RERE: variants seen among roughly 807,000 people sequenced by gnomAD.
RERE encodes the protein arginine-glutamic acid dipeptide repeats protein.
Under a neutral mutation model 146.1 loss-of-function variants are expected in RERE, and 40 were observed. The observed-to-expected ratio is 0.27, with a 90% CI of 0.21 to 0.36. The LOEUF (loss-of-function observed/expected upper bound fraction) is 0.36. Ranked by LOEUF, RERE falls within the 10% of genes least tolerant of loss-of-function variation. The probability of loss-of-function intolerance (pLI) is 1.00; values close to 1 mark genes in which losing one functional copy is unlikely to be tolerated. For synonymous variants in RERE, 1,003 were observed against 866.0 expected (o/e 1.16, Z -2.78); for missense variants, 1,933 against 2,138.7 (o/e 0.90, Z 1.90).
At chr1:8,454,855 C>CTCT in intron 11 of RERE, among the ~76,000 whole-genome samples, 1 of 151,920 alleles carries the variant, frequency 6.6e-6, no homozygotes, top group South Asian at 2.1e-4. Flanking sequence ...AAACTGAAGA[C>CTCT]TCAAGAAGGG....
intron 12 of RERE, among the ~76,000 whole-genome samples, chr1:8,418,256 T>A (rs1452345697): frequency 6.6e-6 from 1 of 152,180 alleles, no homozygotes; most frequent in Non-Finnish European, 1.5e-5. Context: ...TCCAGTGTAG[T>A]AAGTGTCAAT....
chr1:8,764,302 T>A (rs1640808888), intron 1 of RERE, among the ~76,000 whole-genome samples: 1 of 152,072 alleles, frequency 6.6e-6, no homozygotes. Context: ...CTCTATAGGA[T>A]CCCAGCCAGG....
chr1:8,771,067 AAGAC>A (rs1195546732), intron 1 of RERE, among the ~76,000 whole-genome samples: 5 of 152,224 alleles, frequency 3.3e-5, no homozygotes, highest in African/African-American at 1.2e-4. Flanking sequence ...TAATTAAAAA[AAGAC>A]AGAAAATAAC....
At chr1:8,787,830 C>CAAAAAAA (rs1254862943) in intron 1 of RERE, among the ~76,000 whole-genome samples, 2 of 117,950 alleles carry the variant, frequency 1.7e-5, no homozygotes, top group Non-Finnish European at 3.5e-5. Context: ...GACTCTGCCT[C>CAAAAAAA]AAAAAAAAAA....
intron 1 of RERE, among the ~76,000 whole-genome samples, chr1:8,771,972 A>G (rs559951706): frequency 3.8e-4 from 58 of 151,728 alleles, no homozygotes; most frequent in Non-Finnish European, 6.5e-4. Context: ...GAGACTTGTG[A>G]GAACTCTGCT....
At chr1:8,572,294 G>C (rs1470297196) in intron 4 of RERE, among the ~76,000 whole-genome samples, 1 of 152,130 alleles carries the variant, frequency 6.6e-6, no homozygotes, top group African/African-American at 2.4e-5. Context: ...TGATGAAAAG[G>C]CTTTGGGTGC....
intron 1 of RERE, among the ~76,000 whole-genome samples, chr1:8,805,106 G>A (rs1186325106): frequency 6.7e-6 from 1 of 148,880 alleles, no homozygotes; most frequent in Non-Finnish European, 1.5e-5. Flanking sequence ...GGCCTCCCAG[G>A]TTCAAGCGAT....
intron 4 of RERE, among the ~76,000 whole-genome samples, chr1:8,598,123 A>G (rs752693658): frequency 7.9e-5 from 12 of 152,240 alleles, no homozygotes; most frequent in Non-Finnish European, 1.5e-4. Context: ...TGTTCTCCAC[A>G]TTACTGTGAC....
At chr1:8,540,692 G>T (rs1479225680) in intron 7 of RERE, among the ~76,000 whole-genome samples, 1 of 152,118 alleles carries the variant, frequency 6.6e-6, no homozygotes, top group Admixed American at 6.5e-5. Flanking sequence ...CTGTTACATA[G>T]ATCTTACCAA....
At chr1:8,615,145 T>C (rs1002013694) in intron 3 of RERE, among the ~76,000 whole-genome samples, 3 of 152,152 alleles carry the variant, frequency 2.0e-5, no homozygotes, top group African/African-American at 2.4e-5. Flanking sequence ...AATAAGGAAA[T>C]AGGGCATTTG....
intron 1 of RERE, among the ~76,000 whole-genome samples, chr1:8,814,904 A>C (rs553334931): frequency 6.6e-6 from 1 of 152,324 alleles, no homozygotes; most frequent in East Asian, 1.9e-4. Context: ...AACCAGTAAC[A>C]TAATAATGCC....
chr1:8,405,662 C>A (rs375786947), intron 12 of RERE, among the ~76,000 whole-genome samples: 1 of 152,118 alleles, frequency 6.6e-6, no homozygotes, highest in African/African-American at 2.4e-5. Context: ...ATTTTCGAGA[C>A]GGAGTCTCAC....
chr1:8,686,048 C>A (rs1453064010), intron 1 of RERE, among the ~76,000 whole-genome samples: 1 of 151,396 alleles, frequency 6.6e-6, no homozygotes. Flanking sequence ...GTAGCACGAT[C>A]TCAGCTCACT....
At position 8,416,598 on chromosome 1, in the gene RERE, A is replaced by AAG. The variant is rs1553164002; in HGVS notation, c.1284+6128_1284+6129insCT. On this transcript the variant is annotated intron_variant, in intron 12 of 22. Transcript: ENST00000400908. The stretch of plus-strand genomic sequence containing the variant: ...GAGACTCCATCTCCAAAAAAAAAAA[A>AAG]AAAAGAAAAGAAAAGAAAAGAAAAG... Among the ~76,000 whole-genome samples the AAG allele has an allele frequency of 2.3e-4, 34 of 147,760 alleles. 1 individual carries two copies. The East Asian group carries it at 4.1e-3, about 18-fold the overall frequency.
In RERE at chr1:8,352,412, T is replaced by G. The variant is rs956289155; in HGVS notation, c.*2675A>C. On this transcript the variant is annotated 3_prime_UTR_variant, in exon 23 of 23. Coordinates refer to ENST00000400908, the MANE Select transcript of RERE (RefSeq NM_001042681.2). ...CGGGAGACACCCAAGGGTTGTAGTGTAGCTTGGTTTTATTTATGTCCACAA... is the reference window on the plus strand; with the variant it reads ...CGGGAGACACCCAAGGGTTGTAGTGGAGCTTGGTTTTATTTATGTCCACAA... 6.6e-6 allele frequency: 1 copy of G among 152,440 alleles called. No homozygotes were observed. The highest frequency in any genetic ancestry group is 1.5e-5 in the Non-Finnish European group (1 of 68,034). The allele number at this position is 152,440 out of a possible 1,614,324, so 9.4% of individuals were successfully genotyped here. A position where few individuals can be genotyped will look rare whatever the true frequency, so the allele number is the denominator to read the frequency against.
At chr1:8,557,959 T>C (rs1303239610) in intron 4 of RERE, among the ~76,000 whole-genome samples, 1 of 152,184 alleles carries the variant, frequency 6.6e-6, no homozygotes, top group Non-Finnish European at 1.5e-5. Flanking sequence ...AGAAAGAACT[T>C]ACCCCACAAG....
chr1:8,749,896 A>G (rs1640495617), intron 1 of RERE, among the ~76,000 whole-genome samples: 1 of 152,202 alleles, frequency 6.6e-6, no homozygotes, highest in African/African-American at 2.4e-5. Flanking sequence ...TCACACCAGT[A>G]ATTCCAGCAC....
At chr1:8,628,844 G>C (rs1647003473) in intron 2 of RERE, among the ~76,000 whole-genome samples, 1 of 152,056 alleles carries the variant, frequency 6.6e-6, no homozygotes, top group Non-Finnish European at 1.5e-5. Context: ...TGAGTGCATG[G>C]GATGTCTGAA....
chr1:8,671,826 A>C (rs1638724351), intron 1 of RERE, among the ~76,000 whole-genome samples: 1 of 152,220 alleles, frequency 6.6e-6, no homozygotes, highest in Admixed American at 6.5e-5. Context: ...GAAATAATTC[A>C]AATAGAGCAA....
Sources: allele counts gnomAD v4.1 joint callset (sites outside exome capture counted in the v4.1 genomes callset), GRCh38; gene constraint gnomAD v4.1.1; transcripts MANE v1.5; gene names NCBI Gene and HGNC (gene_info 2026-07-23, HGNC 2026-07-21).